The following PIK3R1 variants were observed in gnomAD, a reference collection of about 807,000 sequenced individuals.
PIK3R1 encodes the protein phosphatidylinositol 3-kinase regulatory subunit alpha.
A neutral mutation model predicts 98.0 loss-of-function variants in PIK3R1; 29 were observed. The ratio of observed to expected loss-of-function variants is 0.30; its 90% CI spans 0.22 to 0.40. PIK3R1 has a LOEUF of 0.40. Ranked by LOEUF, PIK3R1 falls within the 10% of genes least tolerant of loss-of-function variation. The pLI, the probability that PIK3R1 is intolerant of heterozygous loss-of-function variation, is 1.00. For missense variants in PIK3R1, 596 were observed against 872.7 expected (o/e 0.68, Z 3.99); for synonymous variants, 282 against 311.8 (o/e 0.90, Z 1.01).
chr5:68,262,572 C>T (rs114339573), intron 2 of PIK3R1, among the ~76,000 whole-genome samples: 355 of 139,154 alleles, frequency 2.6e-3, no homozygotes, highest in Middle Eastern at 3.9e-3. Context: ...TACACATGTA[C>T]CTACATGTAT....
chr5:68,301,441 T>A lies in PIK3R1; in HGVS notation c.*3840T>A, dbSNP rs1391785844. ...ATATATATATATATATATGTGTGTG[T>A]ATATATATATATATGTGTATATATA... On this transcript the variant is annotated 3_prime_UTR_variant, in exon 16 of 16. Coordinates refer to ENST00000521381, the MANE Select transcript of PIK3R1 (RefSeq NM_181523.3). 1 of 105,618 alleles carries A rather than the reference T, an allele frequency of 9.5e-6. No homozygotes were observed. Among genetic ancestry groups the A allele is most frequent in the Non-Finnish European group, 1.9e-5 (1 of 51,518 alleles). 6.5% of individuals were successfully genotyped at this position (105,618 alleles called of 1,614,324 possible). A position where few individuals can be genotyped will look rare whatever the true frequency, so the allele number is the denominator to read the frequency against.
At chr5:68,254,596 G>A (rs1027907174) in intron 2 of PIK3R1, among the ~76,000 whole-genome samples, 1 of 152,214 alleles carries the variant, frequency 6.6e-6, no homozygotes, top group South Asian at 2.1e-4. Flanking sequence ...TCTAAAGAGA[G>A]GGTTATGGAA....
chr5:68,274,041 A>G (rs2112167360), intron 4 of PIK3R1, 28 bp downstream of exon 4: 1 of 1,562,962 alleles, frequency 6.4e-7, no homozygotes, highest in East Asian at 2.2e-5. Flanking sequence ...AGAAATGCAA[A>G]TGGGAAAGAC....
chr5:68,298,404 G>A lies in PIK3R1; in HGVS notation c.*803G>A, dbSNP rs374741535. ...TTTTGCTGAAGGCTAAATTCACAGC[G>A]CTATGCAATTCTTAATTTTCATTAA... On this transcript the variant is annotated 3_prime_UTR_variant, in exon 16 of 16. Transcript: ENST00000521381. 5 of 233,030 alleles carry A rather than the reference G, an allele frequency of 2.1e-5. No individual in the cohort carries two copies. Among genetic ancestry groups the A allele is most frequent in the East Asian group, 1.8e-4 (3 of 16,470 alleles). 14.4% of individuals were successfully genotyped at this position (233,030 alleles called of 1,614,324 possible).
chr5:68,282,207 G>A (rs1257068530), intron 7 of PIK3R1, among the ~76,000 whole-genome samples: 1 of 152,224 alleles, frequency 6.6e-6, no homozygotes, highest in Non-Finnish European at 1.5e-5. Flanking sequence ...TAGGGACTAG[G>A]ACTTCAGTCC....
chr5:68,221,607 A>G (rs1273339147), intron 1 of PIK3R1, among the ~76,000 whole-genome samples: 1 of 152,250 alleles, frequency 6.6e-6, no homozygotes, highest in African/African-American at 2.4e-5. Flanking sequence ...CTGTCCATCA[A>G]GTTCTCCAAA....
chr5:68,262,053 C>A (rs1284103427), intron 2 of PIK3R1, among the ~76,000 whole-genome samples: 2 of 152,258 alleles, frequency 1.3e-5, no homozygotes, highest in East Asian at 3.9e-4. Flanking sequence ...GCCTGAGTCA[C>A]TGCTACTTTT....
At chr5:68,225,380 C>A (rs1256929156) in intron 1 of PIK3R1, among the ~76,000 whole-genome samples, 1 of 152,154 alleles carries the variant, frequency 6.6e-6, no homozygotes, top group Admixed American at 6.5e-5. Context: ...GCCACTAGCA[C>A]ACTTGCACAG....
intron 7 of PIK3R1, chr5:68,288,512 A>C (rs1580254477): frequency 7.6e-7 from 1 of 1,324,268 alleles, no homozygotes; most frequent in Admixed American, 4.1e-5. Flanking sequence ...GGGCGGAGGG[A>C]CGAGCCGAGC....
intron 4 of PIK3R1, among the ~76,000 whole-genome samples, chr5:68,276,643 G>C (rs1463357515): frequency 1.3e-5 from 2 of 152,226 alleles, no homozygotes; most frequent in Non-Finnish European, 2.9e-5. Context: ...TTTCAATGCA[G>C]AAAAGGATTC....
chr5:68,233,534 C>T (rs1252775290), intron 2 of PIK3R1, among the ~76,000 whole-genome samples: 1 of 152,164 alleles, frequency 6.6e-6, no homozygotes, highest in African/African-American at 2.4e-5. Context: ...CCTAAAATGT[C>T]AAGTTGTTTA....
intron 1 of PIK3R1, among the ~76,000 whole-genome samples, chr5:68,223,194 G>A (rs1032363709): frequency 4.6e-5 from 7 of 151,876 alleles, no homozygotes; most frequent in African/African-American, 1.4e-4. Context: ...GGAGTTTTAT[G>A]TGGATTAACC....
chr5:68,282,983 C>T (rs887422393), intron 7 of PIK3R1, among the ~76,000 whole-genome samples: 7 of 152,314 alleles, frequency 4.6e-5, no homozygotes, highest in African/African-American at 1.7e-4. Context: ...AGGAACAAAA[C>T]GTCCCCATCC....
At chr5:68,261,698 T>C (rs964912196) in intron 2 of PIK3R1, among the ~76,000 whole-genome samples, 1 of 152,176 alleles carries the variant, frequency 6.6e-6, no homozygotes, top group Non-Finnish European at 1.5e-5. Context: ...TCTAGCCCTT[T>C]TAAAAAAATT....
intron 14 of PIK3R1, chr5:68,295,714 G>C (rs1747677024): frequency 1.8e-6 from 1 of 567,500 alleles, no homozygotes; most frequent in African/African-American, 1.9e-5. Flanking sequence ...ACAACTCTCT[G>C]TGTCCATAAT....
Position 68,298,843 on chromosome 5 carries a change from A to G in PIK3R1, c.*1242A>G, listed in dbSNP as rs1332608685. ...GTACCTGGCAATGTTTATTTCATAAAGAATTGTGAACTTCTTGAATCTAGG... is the reference window on the plus strand; with the variant it reads ...GTACCTGGCAATGTTTATTTCATAAGGAATTGTGAACTTCTTGAATCTAGG... On this transcript the variant is annotated 3_prime_UTR_variant, in exon 16 of 16. Transcript: ENST00000521381. 1 of 229,098 alleles carries G rather than the reference A, an allele frequency of 4.4e-6. No homozygotes were observed. The highest frequency in any genetic ancestry group is 8.7e-6 in the Non-Finnish European group (1 of 115,424). 14.2% of individuals were successfully genotyped at this position (229,098 alleles called of 1,614,324 possible).
At chr5:68,284,757 C>T (rs963283384) in intron 7 of PIK3R1, among the ~76,000 whole-genome samples, 1 of 152,220 alleles carries the variant, frequency 6.6e-6, no homozygotes, top group Non-Finnish European at 1.5e-5. Context: ...GAACTAGGTA[C>T]AGCATAATAA....
In PIK3R1 at chr5:68,283,102, A is replaced by G. The variant is rs181542321; in HGVS notation, c.916+2096A>G. On this transcript the variant is annotated intron_variant, in intron 7 of 15. Transcript: ENST00000521381. ...TTTAAAAAATGCAATAATTTCTTAG[A>G]GTCCTTCAGCATTGCCACAGCATGT... 3.9e-5 allele frequency among the ~76,000 whole-genome samples: 6 copies of G among 152,358 alleles called. No individual in the cohort carries two copies. The East Asian group carries it at 1.2e-3, about 29-fold the overall frequency.
At position 68,295,693 on chromosome 5, in the gene PIK3R1, A is replaced by G; in HGVS notation, c.1814+205A>G. ...AGGACTAGGATTTATTTTTACTCAT[A>G]ATGCTGTGAAACAACTCTCTGTGTC... On this transcript the variant is annotated intron_variant, in intron 14 of 15. Transcript: ENST00000521381. The G allele has an allele frequency of 5.1e-6, 3 of 585,864 alleles. No individual in the cohort carries two copies. In the South Asian group the frequency reaches 6.3e-5, roughly 12 times the overall value. The allele number at this position is 585,864 out of a possible 1,614,324, so 36.3% of individuals were successfully genotyped here.
Sources: gnomAD v4.1 joint callset for allele counts (sites outside exome capture counted in the v4.1 genomes callset) on GRCh38, gnomAD v4.1.1 for gene constraint, MANE v1.5 for transcripts, NCBI Gene and HGNC (gene_info 2026-07-23, HGNC 2026-07-21) for gene names.